Variants in GABRB3 observed in about 807,000 individuals in gnomAD.
The protein encoded by GABRB3 is gamma-aminobutyric acid receptor subunit beta-3.
Under a neutral mutation model 52.1 loss-of-function variants are expected in GABRB3, and 14 were observed. The ratio of observed to expected loss-of-function variants is 0.27; its 90% CI spans 0.18 to 0.42. GABRB3 has a LOEUF of 0.42. Ranked by LOEUF, GABRB3 falls within the 10% of genes least tolerant of loss-of-function variation. GABRB3 has a pLI of 1.00. For missense variants in GABRB3, 307 were observed against 609.1 expected (o/e 0.50, Z 5.22); for synonymous variants, 260 against 232.3 (o/e 1.12, Z -1.08).
intron 3 of GABRB3, among the ~76,000 whole-genome samples, chr15:26,647,080 T>TG (rs1227977634): frequency 2.0e-5 from 3 of 152,192 alleles, no homozygotes; most frequent in African/African-American, 7.2e-5. Flanking sequence ...CTTGACCTCG[T>TG]GATCCACCCA....
chr15:26,707,154 A>C (rs1356299160), intron 3 of GABRB3, among the ~76,000 whole-genome samples: 1 of 152,218 alleles, frequency 6.6e-6, no homozygotes, highest in Admixed American at 6.5e-5. Context: ...GTATCTTTGG[A>C]GGCTAGAAAG....
In GABRB3 at chr15:26,544,592, G is replaced by A. The variant is rs1452622028; in HGVS notation, c.*3201C>T. On this transcript the variant is annotated 3_prime_UTR_variant, in exon 9 of 9. Transcript: ENST00000311550. Reference sequence around the variant, plus strand: ...AGTGAAACCCCTCCACAGTCCCGGGGTTGGTGAACAGGAATAACACTTGTT... The same window carrying A: ...AGTGAAACCCCTCCACAGTCCCGGGATTGGTGAACAGGAATAACACTTGTT... The A allele has an allele frequency of 2.6e-5, 4 of 152,226 alleles. No individual in the cohort carries two copies. Among genetic ancestry groups the A allele is most frequent in the African/African-American group, 9.6e-5 (4 of 41,458 alleles). The allele number at this position is 152,226 out of a possible 1,614,324, so 9.4% of individuals were successfully genotyped here.
At chr15:26,591,582 C>T (rs868020738) in intron 4 of GABRB3, among the ~76,000 whole-genome samples, 66 of 152,280 alleles carry the variant, frequency 4.3e-4, no homozygotes, top group African/African-American at 1.5e-3. Context: ...AGGGGTATGC[C>T]AGATTCTAGA....
intron 4 of GABRB3, among the ~76,000 whole-genome samples, chr15:26,589,093 G>C (rs1271316708): frequency 2.0e-5 from 3 of 152,234 alleles, no homozygotes; most frequent in Non-Finnish European, 2.9e-5. Context: ...ACGGATGTCA[G>C]TGTGTTGAAG....
At chr15:26,582,643 TACC>T (rs1452827353) in intron 5 of GABRB3, among the ~76,000 whole-genome samples, 2 of 152,222 alleles carry the variant, frequency 1.3e-5, no homozygotes, top group Non-Finnish European at 2.9e-5. Context: ...ATTCGCTTCT[TACC>T]ACAATTGTTT....
chr15:26,719,180 C>T (rs967686228), intron 3 of GABRB3, among the ~76,000 whole-genome samples: 2 of 152,264 alleles, frequency 1.3e-5, no homozygotes, highest in Non-Finnish European at 2.9e-5. Flanking sequence ...GCTCTGCATG[C>T]GAAGCATTTG....
intron 3 of GABRB3, among the ~76,000 whole-genome samples, chr15:26,634,665 C>T (rs1410515614): frequency 6.6e-6 from 1 of 151,870 alleles, no homozygotes; most frequent in Non-Finnish European, 1.5e-5. Context: ...TAGGGAATGA[C>T]CAGATGCCTC....
chr15:26,648,653 A>G (rs545440557), intron 3 of GABRB3, among the ~76,000 whole-genome samples: 1 of 152,330 alleles, frequency 6.6e-6, no homozygotes, highest in African/African-American at 2.4e-5. Flanking sequence ...ATTTGAGACA[A>G]GGCATACAGA....
chr15:26,728,556 AC>A (rs1166099732), intron 3 of GABRB3, among the ~76,000 whole-genome samples: 7 of 152,188 alleles, frequency 4.6e-5, no homozygotes, highest in African/African-American at 1.7e-4. Context: ...GGGAGAAAAT[AC>A]CATGGATATG....
At chr15:26,684,082 A>C (rs1294877593) in intron 3 of GABRB3, among the ~76,000 whole-genome samples, 1 of 152,170 alleles carries the variant, frequency 6.6e-6, no homozygotes, top group East Asian at 1.9e-4. Flanking sequence ...CAGGGTGTGC[A>C]CGGTTAGGTT....
chr15:26,764,238 T>A (rs1890932449), intron 3 of GABRB3, among the ~76,000 whole-genome samples: 4 of 120,042 alleles, frequency 3.3e-5, no homozygotes, highest in Admixed American at 9.5e-5. Flanking sequence ...ATATATATAG[T>A]GTCATGAATC....
intron 3 of GABRB3, among the ~76,000 whole-genome samples, chr15:26,764,644 A>T (rs1405569764): frequency 2.6e-5 from 4 of 152,190 alleles, no homozygotes; most frequent in Admixed American, 2.6e-4. Flanking sequence ...GCACTGAGCA[A>T]ATCGCCAAGA....
Position 26,601,164 on chromosome 15 carries a change from C to G in GABRB3, c.462-17750G>C, listed in dbSNP as rs569887927. Among the ~76,000 whole-genome samples, 3 of 152,242 alleles carry G rather than the reference C, an allele frequency of 2.0e-5. No individual in the cohort carries two copies. In the South Asian group the frequency reaches 6.2e-4, roughly 32 times the overall value. Reference sequence around the variant, plus strand: ...TTTGGCCAGGTGCAGTGGCTCACAACTGTAAGCCCAGCACTTTGGGAGGCC... The same window carrying G: ...TTTGGCCAGGTGCAGTGGCTCACAAGTGTAAGCCCAGCACTTTGGGAGGCC... On this transcript the variant is annotated intron_variant, in intron 4 of 8. Coordinates refer to ENST00000311550, the MANE Select transcript of GABRB3 (RefSeq NM_000814.6).
chr15:26,589,050 C>T (rs1197125751), intron 4 of GABRB3, among the ~76,000 whole-genome samples: 18 of 152,186 alleles, frequency 1.2e-4, no homozygotes, highest in South Asian at 4.1e-4. Context: ...AGAGACCGTT[C>T]CCTGCACGCC....
At chr15:26,762,672 T>G (rs565568167) in intron 3 of GABRB3, among the ~76,000 whole-genome samples, 3 of 152,350 alleles carry the variant, frequency 2.0e-5, no homozygotes, top group African/African-American at 7.2e-5. Flanking sequence ...ATTTCCAATA[T>G]TATTTGAGCA....
intron 3 of GABRB3, among the ~76,000 whole-genome samples, chr15:26,753,352 A>C (rs947662177): frequency 2.6e-5 from 4 of 152,258 alleles, no homozygotes; most frequent in Non-Finnish European, 4.4e-5. Context: ...TCACAGGTGA[A>C]AGACAGATCA....
At chr15:26,662,781 A>G (rs1887590965) in intron 3 of GABRB3, among the ~76,000 whole-genome samples, 1 of 152,194 alleles carries the variant, frequency 6.6e-6, no homozygotes, top group Non-Finnish European at 1.5e-5. Flanking sequence ...TCACATGAGG[A>G]TAGGAAAAGC....
intron 3 of GABRB3, among the ~76,000 whole-genome samples, chr15:26,652,829 C>G (rs1049342427): frequency 1.3e-5 from 2 of 152,128 alleles, no homozygotes; most frequent in Non-Finnish European, 2.9e-5. Flanking sequence ...CTCCAGAATA[C>G]AGGAAATTGA....
chr15:26,763,688 A>T (rs1367324195), intron 3 of GABRB3, among the ~76,000 whole-genome samples: 1 of 151,764 alleles, frequency 6.6e-6, no homozygotes, highest in Non-Finnish European at 1.5e-5. Flanking sequence ...ACTCATTAAA[A>T]CTAATTATTG....
Sources: gnomAD v4.1 joint callset for allele counts (sites outside exome capture counted in the v4.1 genomes callset) on GRCh38, gnomAD v4.1.1 for gene constraint, MANE v1.5 for transcripts, NCBI Gene and HGNC (gene_info 2026-07-23, HGNC 2026-07-21) for gene names.